PSTPIP1: variants seen among roughly 807,000 people sequenced by gnomAD.
The protein encoded by PSTPIP1 is proline-serine-threonine phosphatase interacting protein 1.
PSTPIP1 carries 66 observed loss-of-function variants against 69.6 expected under a neutral mutation model. The ratio of observed to expected loss-of-function variants is 0.95; its 90% confidence interval spans 0.78 to 1.16. The LOEUF (loss-of-function observed/expected upper bound fraction) is 1.16, where lower values mean the gene tolerates loss of function less well. Among genes scored for constraint, PSTPIP1 ranks in the 50% most tolerant of loss-of-function variants. The pLI is 0.00. For missense variants in PSTPIP1, 603 were observed against 557.4 expected, an observed-to-expected ratio of 1.08 and a Z score of -0.82; for synonymous variants, 266 against 222.7, an observed-to-expected ratio of 1.19 and a Z score of -1.73.
Position 77,037,183 on chromosome 15 carries a change from G to A in PSTPIP1, c.*7G>A, listed in dbSNP as rs1459521762. Reference sequence around the variant, plus strand: ...CTACCTGGAGAAGCTTTGAGGAAGGGCCAGGAGCCCCTTCGGACCTGCCCT... The same window carrying A: ...CTACCTGGAGAAGCTTTGAGGAAGGACCAGGAGCCCCTTCGGACCTGCCCT... On this transcript the variant is annotated 3_prime_UTR_variant, in exon 15 of 15. Transcript: ENST00000558012. 9 of 1,595,880 alleles carry A rather than the reference G, an allele frequency of 5.6e-6. No individual in the cohort carries two copies. In the East Asian group the frequency reaches 2.0e-4, roughly 36 times the overall value.
chr15:77,028,783 A>C (rs988632311), intron 7 of PSTPIP1, 131 bp downstream of exon 7: 3 of 796,818 alleles, frequency 3.8e-6, no homozygotes, highest in Admixed American at 3.4e-5. Flanking sequence ...TCTGACCCCC[A>C]ATCTCCCCAT....
At chr15:76,994,691 G>T (rs2075537056), upstream of PSTPIP1, 1 of 1,203,762 alleles carries the variant, frequency 8.3e-7, no homozygotes, top group Admixed American at 2.3e-5. Context: ...CCTTGCCTCT[G>T]TGTGCTCACA....
chr15:77,032,969 C>CG lies in PSTPIP1; in HGVS notation c.929+19dup. On this transcript the variant is annotated intron_variant, in intron 12 of 14. Transcript: ENST00000558012. ...GATAAAGAGGTGAGGCCCCGACAGACGGAGGGAGGGCCTAAGGCTGGGCCA... is the reference window on the plus strand; with the variant it reads ...GATAAAGAGGTGAGGCCCCGACAGACGGGAGGGAGGGCCTAAGGCTGGGCCA... 6.3e-7 allele frequency: 1 copy of CG among 1,583,648 alleles called. No individual in the cohort carries two copies. Among genetic ancestry groups the CG allele is most frequent in the Non-Finnish European group, 8.6e-7 (1 of 1,164,822 alleles).
upstream of PSTPIP1, chr15:76,994,975 G>A: frequency 8.3e-7 from 1 of 1,199,230 alleles, no homozygotes; most frequent in Non-Finnish European, 1.1e-6. Context: ...CTTAGCATAT[G>A]GCCTCTGGAA....
rs568555393 is a variant in PSTPIP1 at position 77,026,532 on chromosome 15, C to T, written c.354+928C>T. On this transcript the variant is annotated intron_variant, in intron 5 of 14. Coordinates refer to ENST00000558012, the MANE Select transcript of PSTPIP1 (RefSeq NM_003978.5). ...ACTTCCCATCTCTGTGCCTCAGTTT[C>T]CCTCTCACAGGATGGGACACATATG... 3.5e-4 allele frequency among the ~76,000 whole-genome samples: 53 copies of T among 152,360 alleles called. No homozygotes were observed. In the South Asian group the frequency reaches 6.0e-3, roughly 17 times the overall value.
chr15:77,008,559 G>A (rs553354723), intron 1 of PSTPIP1, among the ~76,000 whole-genome samples: 2 of 152,172 alleles, frequency 1.3e-5, no homozygotes, highest in South Asian at 2.1e-4. Flanking sequence ...ACAGGTGCCC[G>A]CCACCACACC....
At chr15:77,028,939 A>G (rs115515528) in intron 7 of PSTPIP1, among the ~76,000 whole-genome samples, 210 of 152,342 alleles carry the variant, frequency 1.4e-3, no homozygotes, top group African/African-American at 4.8e-3. Context: ...GCAGACGCCA[A>G]CCCTCACACA....
chr15:77,035,104 A>G (rs2076525035), intron 12 of PSTPIP1, among the ~76,000 whole-genome samples: 2 of 152,206 alleles, frequency 1.3e-5, no homozygotes, highest in Non-Finnish European at 2.9e-5. Flanking sequence ...AGGGCAAGCT[A>G]GAGCAGGGGC....
rs369113632 is a variant in PSTPIP1 at position 77,037,132 on chromosome 15, G to A, written c.1207G>A (p.Gly403Arg). The part of the protein sequence containing the change: ...EDGWWTVERN[G>R]QRGFVPGSYL... ...TGGCTGGTGGACTGTGGAGAGGAAC[G>A]GGCAGCGTGGCTTCGTCCCTGGTTC... Residue 403 changes from glycine to arginine, a missense_variant, in exon 15 of 15, where the codon GGG becomes AGG. By Grantham distance (125) the Gly-to-Arg change is moderately radical (BLOSUM62 -2). Coordinates refer to ENST00000558012, the MANE Select transcript of PSTPIP1 (RefSeq NM_003978.5). 30 of 1,611,982 alleles carry A rather than the reference G, an allele frequency of 1.9e-5. No homozygotes were observed. The highest frequency in any genetic ancestry group is 4.5e-5 in the East Asian group (2 of 44,892).
Position 77,015,692 on chromosome 15 carries a change from C to T in PSTPIP1, c.37-2456C>T, listed in dbSNP as rs572242536. 2.5e-4 allele frequency: 84 copies of T among 339,504 alleles called. 2 individuals carry two copies. Among genetic ancestry groups the T allele is most frequent in the South Asian group, 1.8e-3 (79 of 44,426 alleles). 21.0% of individuals were successfully genotyped at this position (339,504 alleles called of 1,614,324 possible). ...AGCCTGACTGTCCCAGCTCAGAGCA[C>T]GGAGTCAGACCCATGCCCTCGAGGA... On this transcript the variant is annotated intron_variant, in intron 1 of 14. Coordinates refer to ENST00000558012, the MANE Select transcript of PSTPIP1 (RefSeq NM_003978.5).
At chr15:77,000,926 G>T (rs114697446) in intron 1 of PSTPIP1, among the ~76,000 whole-genome samples, 3,300 of 151,846 alleles carry the variant, frequency 0.022, 107 homozygotes, top group African/African-American at 0.069. Context: ...AACCATTTTT[G>T]TGGTGTATGG....
chr15:77,028,004 A>G, intron 6 of PSTPIP1, 90 bp downstream of exon 6: 1 of 1,217,838 alleles, frequency 8.2e-7, no homozygotes, highest in Non-Finnish European at 1.2e-6. Context: ...CGGGCAGGGC[A>G]TTTGGAACAG....
Position 77,037,381 on chromosome 15 carries a change from A to T in PSTPIP1, c.*205A>T, listed in dbSNP as rs2076607369. 2 of 607,612 alleles carry T rather than the reference A, an allele frequency of 3.3e-6. No individual in the cohort carries two copies. Among genetic ancestry groups the T allele is most frequent in the Non-Finnish European group, 5.3e-6 (2 of 374,890 alleles). The allele number at this position is 607,612 out of a possible 1,614,324, so 37.6% of individuals were successfully genotyped here. A position where few individuals can be genotyped will look rare whatever the true frequency, so the allele number is the denominator to read the frequency against. On this transcript the variant is annotated 3_prime_UTR_variant, in exon 15 of 15. Coordinates refer to ENST00000558012, the MANE Select transcript of PSTPIP1 (RefSeq NM_003978.5). ...TCTTTTTCTCCTGCTCCAGTGTCCG[A>T]GTGCTCAGTTCAGAGGAGGCAAAGG...
intron 2 of PSTPIP1, 103 bp downstream of exon 2, chr15:77,018,351 C>A: frequency 6.5e-7 from 1 of 1,534,640 alleles, no homozygotes; most frequent in Non-Finnish European, 8.8e-7. Flanking sequence ...CAAACTCTGT[C>A]AGAACACGCC....
intron 8 of PSTPIP1, among the ~76,000 whole-genome samples, chr15:77,030,163 C>T (rs2076380547): frequency 6.6e-6 from 1 of 152,240 alleles, no homozygotes; most frequent in Non-Finnish European, 1.5e-5. Context: ...CTCCACCCCT[C>T]CTCCAGCGCC....
Position 77,028,667 on chromosome 15 carries a change from T to A in PSTPIP1, c.516+15T>A. ...AGGTGGAGAAGGTGCGCTGGGCTGCTGGGCCGTGTGGGTCGCCCAGGGCTG... is the reference window on the plus strand; with the variant it reads ...AGGTGGAGAAGGTGCGCTGGGCTGCAGGGCCGTGTGGGTCGCCCAGGGCTG... On this transcript the variant is annotated intron_variant, in intron 7 of 14. Coordinates refer to ENST00000558012, the MANE Select transcript of PSTPIP1 (RefSeq NM_003978.5). The A allele has an allele frequency of 6.5e-7, 1 of 1,535,826 alleles. No individual in the cohort carries two copies. The highest frequency in any genetic ancestry group is 2.5e-5 in the East Asian group (1 of 40,264).
chr15:77,003,727 G>T lies in PSTPIP1; in HGVS notation c.36+8118G>T, dbSNP rs1300513006. Among the ~76,000 whole-genome samples the T allele has an allele frequency of 3.3e-5, 5 of 151,928 alleles. No individual in the cohort carries two copies. In the South Asian group the frequency reaches 1.0e-3, roughly 32 times the overall value. Reference sequence around the variant, plus strand: ...ACCCAACCCTCACCCACACTTGCTAGGTGGCCTTGGAGAATCATTTTCCCT... The same window carrying T: ...ACCCAACCCTCACCCACACTTGCTATGTGGCCTTGGAGAATCATTTTCCCT... On this transcript the variant is annotated intron_variant, in intron 1 of 14. Transcript: ENST00000558012.
At chr15:77,010,299 C>G (rs1349158255) in intron 1 of PSTPIP1, among the ~76,000 whole-genome samples, 1 of 152,236 alleles carries the variant, frequency 6.6e-6, no homozygotes, top group Non-Finnish European at 1.5e-5. Context: ...ACAGTACTAA[C>G]TTGACGGGGT....
At chr15:77,011,215 C>T (rs1388725474) in intron 1 of PSTPIP1, among the ~76,000 whole-genome samples, 1 of 152,258 alleles carries the variant, frequency 6.6e-6, no homozygotes, top group Non-Finnish European at 1.5e-5. Context: ...GTAGCTGCCT[C>T]GTGGTCAGTA....
Sources: gnomAD v4.1 joint callset for allele counts (sites outside exome capture counted in the v4.1 genomes callset) on GRCh38, gnomAD v4.1.1 for gene constraint, MANE v1.5 for transcripts, NCBI Gene and HGNC (gene_info 2026-07-23, HGNC 2026-07-21) for gene names.